The following OSBPL1A variants were observed in gnomAD, a reference collection of about 807,000 sequenced individuals.
OSBPL1A encodes the protein oxysterol binding protein like 1A, also known as oxysterol-binding protein-related protein 1.
In OSBPL1A, 80 loss-of-function variants were observed where a neutral mutation model predicts 137.1. That is an observed-to-expected ratio of 0.58 (90% CI 0.49 to 0.70). OSBPL1A has a LOEUF of 0.70. OSBPL1A is among the 30% of genes least tolerant of loss of function. OSBPL1A has a pLI of 0.00. For synonymous variants in OSBPL1A, 365 were observed against 389.7 expected (o/e 0.94, Z 0.75); for missense variants, 970 against 1,129.4 (o/e 0.86, Z 2.02).
chr18:24,326,339 T>A (rs988543254), intron 7 of OSBPL1A, among the ~76,000 whole-genome samples: 2 of 152,194 alleles, frequency 1.3e-5, no homozygotes, highest in Non-Finnish European at 2.9e-5. Context: ...TCCTCATCCA[T>A]TCACCCCTCT....
intron 18 of OSBPL1A, among the ~76,000 whole-genome samples, chr18:24,190,336 C>T (rs948438464): frequency 1.2e-4 from 15 of 127,342 alleles, no homozygotes; most frequent in African/African-American, 4.5e-4. Context: ...CACAGTTGCC[C>T]TCTGCTACTG....
At chr18:24,218,415 A>C (rs1053966048) in intron 17 of OSBPL1A, 1 of 152,152 alleles carries the variant, frequency 6.6e-6, no homozygotes, top group Non-Finnish European at 1.5e-5. Context: ...TGTAGAAATC[A>C]GTTCAAGTAA....
intron 16 of OSBPL1A, among the ~76,000 whole-genome samples, chr18:24,235,399 A>C (rs2088435849): frequency 1.5e-5 from 2 of 129,192 alleles, no homozygotes; most frequent in South Asian, 5.6e-4. Flanking sequence ...AAAGTGAAGT[A>C]ACTTTCCCAA....
At chr18:24,231,838 C>T (rs1246525135) in intron 16 of OSBPL1A, among the ~76,000 whole-genome samples, 1 of 152,120 alleles carries the variant, frequency 6.6e-6, no homozygotes. Flanking sequence ...AAGAAGAGGC[C>T]ATAAAGTTCA....
At chr18:24,384,064 T>A (rs1214934374) in intron 1 of OSBPL1A, among the ~76,000 whole-genome samples, 1 of 152,096 alleles carries the variant, frequency 6.6e-6, no homozygotes, top group East Asian at 1.9e-4. Flanking sequence ...CCAACATTAG[T>A]GATTAGATAC....
At chr18:24,295,361 T>C (rs1337353265) in intron 14 of OSBPL1A, among the ~76,000 whole-genome samples, 1 of 152,200 alleles carries the variant, frequency 6.6e-6, no homozygotes, top group Non-Finnish European at 1.5e-5. Flanking sequence ...CATTCTCTGG[T>C]TGTCTATTTA....
At chr18:24,197,100 C>A (rs2087057073) in intron 17 of OSBPL1A, among the ~76,000 whole-genome samples, 1 of 152,192 alleles carries the variant, frequency 6.6e-6, no homozygotes. Context: ...GTAATCCCAG[C>A]ACATTGGGAG....
rs369619674 is a variant in OSBPL1A at position 24,262,894 on chromosome 18, T to G, written c.1281+17948A>C. 3.3e-5 allele frequency among the ~76,000 whole-genome samples: 5 copies of G among 152,326 alleles called. No individual in the cohort carries two copies. The East Asian group carries it at 5.8e-4, about 18-fold the overall frequency. ...GAATCATGCAGGGTGTGTACTCTTT[T>G]GTATCTAGCTTTTTTTACTAGTATA... On this transcript the variant is annotated intron_variant, in intron 15 of 27. Transcript: ENST00000319481.
At chr18:24,256,770 T>C (rs2089287242) in intron 15 of OSBPL1A, among the ~76,000 whole-genome samples, 1 of 152,050 alleles carries the variant, frequency 6.6e-6, no homozygotes, top group Admixed American at 6.5e-5. Context: ...AGTTGCAGGA[T>C]ACAAGATCAA....
chr18:24,340,784 CA>C (rs2091261839), intron 5 of OSBPL1A, among the ~76,000 whole-genome samples: 1 of 152,088 alleles, frequency 6.6e-6, no homozygotes, highest in East Asian at 1.9e-4. Flanking sequence ...CCAGCCTGGG[CA>C]AAAAGAAAAC....
intron 2 of OSBPL1A, among the ~76,000 whole-genome samples, chr18:24,369,500 AG>A (rs1905444980): frequency 6.6e-6 from 1 of 152,142 alleles, no homozygotes; most frequent in African/African-American, 2.4e-5. Flanking sequence ...GGGCCACTGC[AG>A]GGAAAGAGCG....
At chr18:24,371,564 C>G (rs1383367785) in intron 2 of OSBPL1A, among the ~76,000 whole-genome samples, 2 of 152,272 alleles carry the variant, frequency 1.3e-5, no homozygotes, top group African/African-American at 2.4e-5. Flanking sequence ...ACCTCTCCCC[C>G]TTTAGTTGCT....
At chr18:24,316,036 G>A (rs1227595061) in intron 11 of OSBPL1A, among the ~76,000 whole-genome samples, 3 of 150,282 alleles carry the variant, frequency 2.0e-5, no homozygotes, top group Non-Finnish European at 4.4e-5. Flanking sequence ...CAAGGCAGGA[G>A]GATTGCTTGA....
rs199563115 is a variant in OSBPL1A at position 24,164,420 on chromosome 18, G to GGTT, written c.2750+644_2750+645insAAC. 7.7e-4 allele frequency among the ~76,000 whole-genome samples: 74 copies of GGTT among 95,966 alleles called. 14 individuals are homozygous for GGTT. The highest frequency in any genetic ancestry group is 6.9e-4 in the Admixed American group (6 of 8,684). The allele number at this position is 95,966 out of a possible 152,430, so 63.0% of individuals were successfully genotyped here. On this transcript the variant is annotated intron_variant, in intron 27 of 27. Coordinates refer to ENST00000319481, the MANE Select transcript of OSBPL1A (RefSeq NM_080597.4). ...ATGGAAAACAGTATGGAGATTTTTG[G>GGTT]TTTTTTTTTTTTTTTTTTTTTTTTT... is the stretch of plus-strand genomic sequence containing the variant.
Position 24,208,597 on chromosome 18 carries a change from G to A in OSBPL1A, c.1602-12397C>T, listed in dbSNP as rs534229798. ...CCTACCACCAATTTCTTAAGAACAT[G>A]TAAAGTTGCTGTGGCAGATTTACTT... On this transcript the variant is annotated intron_variant, in intron 17 of 27. Coordinates refer to ENST00000319481, the MANE Select transcript of OSBPL1A (RefSeq NM_080597.4). Among the ~76,000 whole-genome samples the A allele has an allele frequency of 1.8e-4, 27 of 152,328 alleles. No individual in the cohort carries two copies. In the South Asian group the frequency reaches 5.6e-3, roughly 32 times the overall value.
At position 24,334,283 on chromosome 18, in the gene OSBPL1A, C is replaced by G; in HGVS notation, c.442G>C (p.Ala148Pro). The change falls in exon 6 of 28, where the codon GCA becomes CCA. Residue 148 changes from alanine (A) to proline (P), a missense_variant. Ala to Pro is a conservative substitution (Grantham distance 27, BLOSUM62 -1). This residue lies in a region of OSBPL1A where 647 missense variants were observed against 672.6 expected (regional missense o/e 0.96). Transcript: ENST00000319481. ...QRKLEELLLA[A>P]AREGKTTELT... ...TCTGTTGTTTTGCCTTCTCTTGCTGCTGCTAAAAGTAATTCTTCAAGCTTT... is the reference window on the plus strand; with the variant it reads ...TCTGTTGTTTTGCCTTCTCTTGCTGGTGCTAAAAGTAATTCTTCAAGCTTT... 6.2e-7 allele frequency: 1 copy of G among 1,612,014 alleles called. No individual in the cohort carries two copies. Among genetic ancestry groups the G allele is most frequent in the South Asian group, 1.1e-5 (1 of 90,784 alleles).
chr18:24,379,166 G>A (rs957517063), intron 1 of OSBPL1A, among the ~76,000 whole-genome samples: 10 of 152,128 alleles, frequency 6.6e-5, no homozygotes, highest in South Asian at 2.1e-4. Context: ...CAATAAAAGA[G>A]TTGGAAAATA....
intron 21 of OSBPL1A, among the ~76,000 whole-genome samples, chr18:24,175,114 A>ATATATATATATATG (rs1567920052): frequency 6.6e-5 from 2 of 30,302 alleles, no homozygotes; most frequent in African/African-American, 1.3e-4. Flanking sequence ...GTATGTATAT[A>ATATATATATATATG]TATATATATA....
chr18:24,318,703 T>A, intron 8 of OSBPL1A, 45 bp downstream of exon 8: 1 of 1,593,116 alleles, frequency 6.3e-7, no homozygotes, highest in Non-Finnish European at 8.5e-7. Context: ...ATTCAAAAAT[T>A]TTTTTCTAAA....
Sources: allele counts gnomAD v4.1 joint callset (sites outside exome capture counted in the v4.1 genomes callset), GRCh38; gene constraint gnomAD v4.1.1; regional missense constraint gnomAD v4.1.1; transcripts MANE v1.5; gene names NCBI Gene and HGNC (gene_info 2026-07-23, HGNC 2026-07-21).